The following RPH3AL variants were observed in gnomAD, a reference collection of about 807,000 sequenced individuals.
The protein encoded by RPH3AL is rab effector Noc2.
A neutral mutation model predicts 43.1 loss-of-function variants in RPH3AL; 38 were observed. The observed-to-expected ratio is 0.88, with a 90% CI of 0.68 to 1.15. RPH3AL has a LOEUF of 1.15. RPH3AL is among the 50% of genes most tolerant of loss of function. The pLI, the probability that RPH3AL is intolerant of heterozygous loss-of-function variation, is 0.00. For synonymous variants in RPH3AL, 189 were observed against 176.3 expected (o/e 1.07, Z -0.57); for missense variants, 462 against 423.2 (o/e 1.09, Z -0.81).
At chr17:307,220 C>T (rs1174729972) in intron 5 of RPH3AL, among the ~76,000 whole-genome samples, 1 of 65,994 alleles carries the variant, frequency 1.5e-5, no homozygotes, top group East Asian at 4.1e-4. Context: ...GTCCATCCCA[C>T]GGCAGGTCCA....
At chr17:256,456 C>G (rs797035116) in intron 6 of RPH3AL, among the ~76,000 whole-genome samples, 1 of 3,750 alleles carries the variant, frequency 2.7e-4, no homozygotes. Context: ...TGAGGGGAGC[C>G]GCACGGCGTC....
chr17:262,454 T>C (rs1409799290), intron 6 of RPH3AL, among the ~76,000 whole-genome samples: 2 of 152,074 alleles, frequency 1.3e-5, no homozygotes, highest in Non-Finnish European at 2.9e-5. Flanking sequence ...GACCTCGTGA[T>C]CCACCCGCCT....
At chr17:251,457 C>A (rs933630135) in intron 6 of RPH3AL, among the ~76,000 whole-genome samples, 3 of 152,208 alleles carry the variant, frequency 2.0e-5, no homozygotes, top group Non-Finnish European at 2.9e-5. Flanking sequence ...AGCCAGCACA[C>A]CCCTCTGTTG....
intron 6 of RPH3AL, among the ~76,000 whole-genome samples, chr17:266,893 T>G (rs1555548194): frequency 6.6e-6 from 1 of 152,202 alleles, no homozygotes; most frequent in East Asian, 1.9e-4. Flanking sequence ...AGGGAGGTGT[T>G]GCCCAACGCT....
At chr17:227,574 C>T (rs1050953542) in intron 7 of RPH3AL, among the ~76,000 whole-genome samples, 1 of 152,160 alleles carries the variant, frequency 6.6e-6, no homozygotes, top group Non-Finnish European at 1.5e-5. Flanking sequence ...AGGGGCTGAC[C>T]CAGGCACCCA....
intron 6 of RPH3AL, among the ~76,000 whole-genome samples, chr17:276,827 T>C (rs1341339957): frequency 6.6e-6 from 1 of 152,222 alleles, no homozygotes; most frequent in East Asian, 1.9e-4. Flanking sequence ...CTTTTCTTAA[T>C]GTGGCTGGTG....
intron 5 of RPH3AL, among the ~76,000 whole-genome samples, chr17:318,483 G>C (rs1408902308): frequency 6.6e-6 from 1 of 152,142 alleles, no homozygotes; most frequent in Non-Finnish European, 1.5e-5. Context: ...GGTGTCTTGA[G>C]ATCAGTGTTT....
intron 7 of RPH3AL, among the ~76,000 whole-genome samples, chr17:222,659 C>T (rs1459909779): frequency 6.6e-6 from 1 of 152,208 alleles, no homozygotes; most frequent in East Asian, 1.9e-4. Context: ...TCTTTTGATG[C>T]CAGGCTTGGG....
In RPH3AL at chr17:281,856, TACAAGA is replaced by T. The variant is rs761276832; in HGVS notation, c.352-8_352-3del. The T allele has an allele frequency of 1.5e-5, 24 of 1,612,950 alleles. No individual in the cohort carries two copies. The African/African-American group carries it at 2.7e-4, about 18-fold the overall frequency. On this transcript the variant is annotated splice_region_variant and splice_polypyrimidine_tract_variant and intron_variant, in intron 5 of 9. Transcript: ENST00000331302. ...GATCCCACATTTGGTGCAGACTTTC[TACAAGA>T]GAGAGGACATGGGGTTGTAAAGATT...
At chr17:318,815 C>A (rs1419872083) in intron 5 of RPH3AL, among the ~76,000 whole-genome samples, 2 of 152,202 alleles carry the variant, frequency 1.3e-5, no homozygotes, top group Non-Finnish European at 2.9e-5. Context: ...CTGCAAAGAT[C>A]ATTCTTCTTT....
intron 5 of RPH3AL, among the ~76,000 whole-genome samples, chr17:296,884 A>G (rs2043193827): frequency 6.6e-6 from 1 of 152,198 alleles, no homozygotes; most frequent in Admixed American, 6.5e-5. Context: ...AGCTCCGCTC[A>G]GGAGGCCTCT....
At chr17:270,691 GA>G (rs534658133) in intron 6 of RPH3AL, among the ~76,000 whole-genome samples, 10,398 of 140,782 alleles carry the variant, frequency 0.074, 379 homozygotes, top group South Asian at 0.11. Context: ...CTCCACAAAA[GA>G]AAAAAAAAAA....
chr17:319,318 C>G, intron 5 of RPH3AL, 102 bp downstream of exon 5: 2 of 1,392,650 alleles, frequency 1.4e-6, no homozygotes, highest in South Asian at 1.4e-5. Context: ...ACATGCCCAA[C>G]GCAGACATAC....
At chr17:262,775 C>T (rs1016809888) in intron 6 of RPH3AL, among the ~76,000 whole-genome samples, 8 of 152,200 alleles carry the variant, frequency 5.3e-5, no homozygotes, top group African/African-American at 1.9e-4. Context: ...AATATTCCCC[C>T]TGCCCTAAAT....
At chr17:277,190 A>G (rs571215532) in intron 6 of RPH3AL, among the ~76,000 whole-genome samples, 17 of 152,382 alleles carry the variant, frequency 1.1e-4, no homozygotes, top group African/African-American at 3.8e-4. Context: ...TCTATATGAC[A>G]GAATGTTTAC....
At chr17:239,866 C>G (rs915094902) in intron 7 of RPH3AL, among the ~76,000 whole-genome samples, 6 of 152,202 alleles carry the variant, frequency 3.9e-5, no homozygotes, top group African/African-American at 7.2e-5. Context: ...TTGACTCAAG[C>G]AATCCTCCTG....
Position 213,605 on chromosome 17 carries a change from G to GT in RPH3AL, c.*246_*247insA. On this transcript the variant is annotated 3_prime_UTR_variant, in exon 10 of 10. Coordinates refer to ENST00000331302, the MANE Select transcript of RPH3AL (RefSeq NM_006987.4). ...CCAGGTAGATTGGGGGTGTGGGAGG[G>GT]GAGGGTAATAAATAAGGTCGGGGGC... is the stretch of plus-strand genomic sequence containing the variant. 1.7e-6 allele frequency: 1 copy of GT among 578,678 alleles called. No homozygotes were observed. The highest frequency in any genetic ancestry group is 3.1e-6 in the Non-Finnish European group (1 of 323,620). The allele number at this position is 578,678 out of a possible 1,614,324, so 35.8% of individuals were successfully genotyped here.
intron 1 of RPH3AL, chr17:339,765 G>A (rs998413379): frequency 6.6e-6 from 1 of 152,264 alleles, no homozygotes; most frequent in Non-Finnish European, 1.5e-5. Context: ...AAAGCAATGA[G>A]CCGGGTATTC....
intron 6 of RPH3AL, among the ~76,000 whole-genome samples, chr17:262,117 T>G (rs960732646): frequency 6.6e-6 from 1 of 152,110 alleles, no homozygotes; most frequent in Non-Finnish European, 1.5e-5. Context: ...TAAAAAGGAA[T>G]GTTTGCTCAG....
Sources: gnomAD v4.1 joint callset for allele counts (sites outside exome capture counted in the v4.1 genomes callset) on GRCh38, gnomAD v4.1.1 for gene constraint, MANE v1.5 for transcripts, NCBI Gene and HGNC (gene_info 2026-07-23, HGNC 2026-07-21) for gene names.